Variants in SDR16C5 observed in about 807,000 individuals in gnomAD.
SDR16C5 encodes epidermal retinol dehydrogenase 2.
A neutral mutation model predicts 27.7 loss-of-function variants in SDR16C5; 20 were observed. That is an observed-to-expected ratio of 0.72 (90% CI 0.51 to 1.05). SDR16C5 has a LOEUF of 1.05. Ranked by LOEUF, SDR16C5 falls within the 50% of genes least tolerant of loss-of-function variation. The pLI is 0.00. For missense variants in SDR16C5, 374 were observed against 366.3 expected (o/e 1.02, Z -0.17); for synonymous variants, 139 against 132.3 (o/e 1.05, Z -0.35).
At chr8:56,311,422 TTAAAA>T (rs1815041947) in intron 3 of SDR16C5, among the ~76,000 whole-genome samples, 1 of 151,892 alleles carries the variant, frequency 6.6e-6, no homozygotes. Context: ...TCTCAAAAAA[TTAAAA>T]TAAAATGATA....
Position 56,309,353 on chromosome 8 carries a change from CA to C in SDR16C5, c.466-327del, listed in dbSNP as rs761543585. On this transcript the variant is annotated intron_variant, in intron 3 of 6. Transcript: ENST00000303749. The stretch of plus-strand genomic sequence containing the variant: ...TTGTGGCAGCCACAACCCCAAACCT[CA>C]CAAACATGATGCTTTAGATTTAGAT... The C allele has an allele frequency of 3.8e-5, 37 of 985,394 alleles. 1 individual carries two copies. The East Asian group carries it at 1.1e-3, about 30-fold the overall frequency. The allele number at this position is 985,394 out of a possible 1,614,324, so 61.0% of individuals were successfully genotyped here. A position where few individuals can be genotyped will look rare whatever the true frequency, so the allele number is the denominator to read the frequency against.
At chr8:56,309,213 G>GT (rs1001015700) in intron 3 of SDR16C5, 186 bp from the exon 4 acceptor site, 4 of 808,642 alleles carry the variant, frequency 4.9e-6, no homozygotes, top group Admixed American at 6.2e-5. Flanking sequence ...TGTTAAATCA[G>GT]TTTTTTATGG....
intron 6 of SDR16C5, among the ~76,000 whole-genome samples, chr8:56,303,013 AAAC>A (rs1814795978): frequency 1.3e-5 from 2 of 151,484 alleles, no homozygotes; most frequent in Non-Finnish European, 2.9e-5. Flanking sequence ...ATTAAAAAAA[AAAC>A]AACAACGTAA....
chr8:56,316,218 G>A lies in SDR16C5; in HGVS notation c.130C>T (p.Leu44Phe), dbSNP rs560727764. The A allele has an allele frequency of 2.5e-6, 4 of 1,614,134 alleles. No individual in the cohort carries two copies. Among genetic ancestry groups the A allele is most frequent in the Non-Finnish European group, 3.4e-6 (4 of 1,179,994 alleles). Residue 44 changes from leucine to phenylalanine, a missense_variant, in exon 2 of 7, where the codon CTC becomes TTC. Coordinates refer to ENST00000303749, the MANE Select transcript of SDR16C5 (RefSeq NM_138969.4). Reference protein sequence around the residue: ...PRKNVAGEIVLITGAGSGLGR... With the variant: ...PRKNVAGEIVFITGAGSGLGR... ...AGTCCACTTCCAGCACCTGTGATGA[G>A]GACTATTTCACCAGCAACGTTCTTC...
rs555769862 is a variant in SDR16C5 at position 56,305,964 on chromosome 8, A to G, written c.711-242T>C. On this transcript the variant is annotated intron_variant, in intron 5 of 6. Transcript: ENST00000303749. ...TACACTGATATTACAATATACATAT[A>G]CGTGAAACCATATTAAACAAATATT... Among the ~76,000 whole-genome samples, 71 of 152,380 alleles carry G rather than the reference A, an allele frequency of 4.7e-4. 1 individual carries two copies. Among genetic ancestry groups the G allele is most frequent in the African/African-American group, 1.6e-3 (66 of 41,588 alleles).
chr8:56,302,946 C>A (rs1314204666), intron 6 of SDR16C5, among the ~76,000 whole-genome samples: 2 of 151,720 alleles, frequency 1.3e-5, no homozygotes, highest in African/African-American at 4.8e-5. Flanking sequence ...CAAGCCACTG[C>A]ACTCTAGCCT....
rs1235829981 is a variant in SDR16C5, at chr8:56,305,674, T to G, written c.759A>C (p.Lys253Asn). ...PILEPKYAVE[K>N]IVEAILQEKM... ...TTTCTTGTAGAATAGCTTCTACTAT[T>G]TTTTCAACTGCATATTTTGGTTCCA... The change falls in exon 6 of 7, where the codon AAA becomes AAC. Residue 253 changes from lysine (K) to asparagine (N), a missense_variant. Lys to Asn is a moderately conservative substitution (Grantham distance 94, BLOSUM62 0). Transcript: ENST00000303749. The G allele has an allele frequency of 6.2e-7, 1 of 1,604,804 alleles. No homozygotes were observed. Among genetic ancestry groups the G allele is most frequent in the Non-Finnish European group, 8.5e-7 (1 of 1,177,584 alleles).
Position 56,316,364 on chromosome 8 carries a change from G to A in SDR16C5, c.-14-3C>T, listed in dbSNP as rs2129261959. The A allele has an allele frequency of 6.4e-7, 1 of 1,574,664 alleles. No homozygotes were observed. The highest frequency in any genetic ancestry group is 1.3e-5 in the African/African-American group (1 of 74,188). On this transcript the variant is annotated splice_region_variant and splice_polypyrimidine_tract_variant and intron_variant, in intron 1 of 6. Transcript: ENST00000303749. ...GAAAGACATGTTCTGGCTGACACCT[G>A]TGAAGAAAGACAGATTCACATGAAG...
At chr8:56,303,040 G>A (rs1814796979) in intron 6 of SDR16C5, among the ~76,000 whole-genome samples, 1 of 151,534 alleles carries the variant, frequency 6.6e-6, no homozygotes, top group African/African-American at 2.4e-5. Flanking sequence ...TTGGCCGGGT[G>A]CAGTGGCCCA....
chr8:56,316,192 G>A lies in SDR16C5; in HGVS notation c.156C>T (p.Leu52=), dbSNP rs1240197716. Residue 52 remains leucine, a synonymous_variant, in exon 2 of 7, where the codon CTC becomes CTT. Transcript: ENST00000303749. The stretch of plus-strand genomic sequence containing the variant: ...CAAACTGCAAGGCTAAGAGCCTTCC[G>A]AGTCCACTTCCAGCACCTGTGATGA... ...IVLITGAGSG[L]GRLLALQFAR... 1.9e-6 allele frequency: 3 copies of A among 1,614,016 alleles called. No individual in the cohort carries two copies. Among genetic ancestry groups the A allele is most frequent in the East Asian group, 2.2e-5 (1 of 44,890 alleles).
chr8:56,317,820 G>T (rs1815239386), intron 1 of SDR16C5, among the ~76,000 whole-genome samples: 1 of 152,196 alleles, frequency 6.6e-6, no homozygotes, highest in South Asian at 2.1e-4. Context: ...GTGAGGGCCA[G>T]ATTGGTTCAT....
Position 56,301,492 on chromosome 8 carries a change from C to T in SDR16C5, c.918G>A (p.Lys306=), listed in dbSNP as rs267601957. ...ATAGAGTTGGTCTTTAGAGCTTCTT[C>T]TTTTGGTCAACAAAGCCATCCATTG... ...LHAMDGFVDQ[K]KKL Residue 306 remains lysine, a synonymous_variant, in exon 7 of 7, where the codon AAG becomes AAA. Coordinates refer to ENST00000303749, the MANE Select transcript of SDR16C5 (RefSeq NM_138969.4). 5 of 1,613,594 alleles carry T rather than the reference C, an allele frequency of 3.1e-6. No homozygotes were observed. Among genetic ancestry groups the T allele is most frequent in the Non-Finnish European group, 4.2e-6 (5 of 1,179,634 alleles).
At chr8:56,312,888 C>T (rs1022968966) in intron 2 of SDR16C5, among the ~76,000 whole-genome samples, 16 of 151,608 alleles carry the variant, frequency 1.1e-4, no homozygotes, top group South Asian at 2.1e-4. Context: ...ACCATTCTCC[C>T]GCCTCAGCCT....
At chr8:56,317,638 G>A (rs1815234697) in intron 1 of SDR16C5, among the ~76,000 whole-genome samples, 1 of 152,240 alleles carries the variant, frequency 6.6e-6, no homozygotes, top group Non-Finnish European at 1.5e-5. Flanking sequence ...CGGTTAATGA[G>A]TAAGGGTGGA....
At chr8:56,313,017 C>T (rs1815089219) in intron 2 of SDR16C5, among the ~76,000 whole-genome samples, 1 of 152,106 alleles carries the variant, frequency 6.6e-6, no homozygotes, top group Non-Finnish European at 1.5e-5. Flanking sequence ...ACCTCATGAT[C>T]CACCCGTCTT....
intron 3 of SDR16C5, among the ~76,000 whole-genome samples, chr8:56,310,728 AAAG>A (rs200194483): frequency 0.51 from 71,990 of 140,916 alleles, 18,172 homozygotes; most frequent in Middle Eastern, 0.62. Flanking sequence ...AAAAAAAAAA[AAAG>A]AAAAAGAACA....
rs747988284 is a variant in SDR16C5, at chr8:56,312,158, C to T, written c.464G>A (p.Trp155Ter). 6.2e-7 allele frequency: 1 copy of T among 1,609,336 alleles called. No homozygotes were observed. Among genetic ancestry groups the T allele is most frequent in the East Asian group, 2.2e-5 (1 of 44,850 alleles). Residue 155 changes from tryptophan (W) to a stop codon, truncating the protein, a stop_gained and splice_region_variant, in exon 3 of 7, where the codon TGG becomes TAG. Coordinates refer to ENST00000303749, the MANE Select transcript of SDR16C5 (RefSeq NM_138969.4). LOFTEE classifies it high-confidence loss of function. ...SFDVNFKAHLWTYKAFLPAMI... is the reference protein window; with the variant it reads ...SFDVNFKAHL ...ATGATGAGAAGAAACAATTATTACC[C>T]ATAAATGTGCTTTGAAATTCACATC...
chr8:56,318,786 G>C (rs1815261491), intron 1 of SDR16C5, among the ~76,000 whole-genome samples: 1 of 152,136 alleles, frequency 6.6e-6, no homozygotes, highest in South Asian at 2.1e-4. Flanking sequence ...TGTCTTGGCA[G>C]ATGCTTACTA....
intron 1 of SDR16C5, among the ~76,000 whole-genome samples, chr8:56,316,863 C>A (rs1376656012): frequency 6.6e-6 from 1 of 152,130 alleles, no homozygotes; most frequent in Non-Finnish European, 1.5e-5. Context: ...TATTTAAAAT[C>A]TGAGATTTGA....
Sources: gnomAD v4.1 joint callset for allele counts (sites outside exome capture counted in the v4.1 genomes callset) on GRCh38, gnomAD v4.1.1 for gene constraint, MANE v1.5 for transcripts, NCBI Gene and HGNC (gene_info 2026-07-23, HGNC 2026-07-21) for gene names.